The following DACH2 variants were observed in gnomAD, a reference collection of about 807,000 sequenced individuals.
DACH2 encodes the protein dachshund homolog 2.
Under a neutral mutation model 35.8 loss-of-function variants are expected in DACH2, and 17 were observed. The ratio of observed to expected loss-of-function variants is 0.48; its 90% CI spans 0.33 to 0.71. The LOEUF is 0.71. DACH2 is among the 30% of genes least tolerant of loss of function. The pLI, the probability that DACH2 is intolerant of heterozygous loss-of-function variation, is 0.02. For synonymous variants in DACH2, 195 were observed against 177.3 expected (o/e 1.10, Z -0.79); for missense variants, 469 against 472.7 (o/e 0.99, Z 0.07).
intron 7 of DACH2, among the ~76,000 whole-genome samples, chrX:86,773,436 T>C (rs1221891103): frequency 1.8e-5 from 2 of 112,107 alleles, no homozygotes; most frequent in Admixed American, 9.5e-5. Context: ...GACTATTTTA[T>C]ATATAATGCA....
At chrX:86,172,635 A>G (rs2031162163) in intron 1 of DACH2, among the ~76,000 whole-genome samples, 1 of 112,054 alleles carries the variant, frequency 8.9e-6, no homozygotes, top group Non-Finnish European at 1.9e-5. Flanking sequence ...TATCCTCTCT[A>G]TGCTGTCTCT....
intron 1 of DACH2, among the ~76,000 whole-genome samples, chrX:86,295,004 G>A (rs1232307934): frequency 8.9e-6 from 1 of 112,560 alleles, no homozygotes. Context: ...GCAATGGCGG[G>A]CGCCCCTCCT....
At chrX:86,550,268 T>C (rs1253949771) in intron 3 of DACH2, among the ~76,000 whole-genome samples, 1 of 111,556 alleles carries the variant, frequency 9.0e-6, no homozygotes, top group Non-Finnish European at 1.9e-5. Flanking sequence ...TTGAATAGTT[T>C]TGTTTTACAT....
chrX:86,236,824 T>C (rs1459519917), intron 1 of DACH2, among the ~76,000 whole-genome samples: 1 of 112,312 alleles, frequency 8.9e-6, no homozygotes, highest in South Asian at 3.7e-4. Context: ...CTGTAGACTT[T>C]ACAAACACTA....
intron 1 of DACH2, among the ~76,000 whole-genome samples, chrX:86,180,222 T>C (rs2031445558): frequency 1.8e-5 from 1 of 54,298 alleles, no homozygotes; most frequent in South Asian, 6.1e-4. Flanking sequence ...CTTATAGTAA[T>C]GTGAAATAAA....
At chrX:86,398,320 TGA>T (rs1243221780) in intron 2 of DACH2, among the ~76,000 whole-genome samples, 2 of 112,647 alleles carry the variant, frequency 1.8e-5, no homozygotes, top group African/African-American at 6.5e-5. Context: ...TCAATTTTGT[TGA>T]TCTTTTCAAA....
chrX:86,377,611 G>A (rs1284123327), intron 2 of DACH2, among the ~76,000 whole-genome samples: 1 of 110,335 alleles, frequency 9.1e-6, no homozygotes, highest in Non-Finnish European at 1.9e-5. Flanking sequence ...GATAGTTCCT[G>A]TCAGTAGTGC....
At chrX:86,666,312 T>TGTGTGAGA (rs112267843) in intron 4 of DACH2, among the ~76,000 whole-genome samples, 11,282 of 99,792 alleles carry the variant, frequency 0.11, 597 homozygotes, top group East Asian at 0.27. Flanking sequence ...TGTGTGTGTG[T>TGTGTGAGA]GAGAGAGAGA....
intron 3 of DACH2, among the ~76,000 whole-genome samples, chrX:86,615,349 T>A (rs1431763748): frequency 8.9e-6 from 1 of 111,753 alleles, no homozygotes. Context: ...CCATTTTACA[T>A]AGGCGAGAAC....
chrX:86,341,340 C>T (rs1172043514), intron 1 of DACH2, among the ~76,000 whole-genome samples: 2 of 111,926 alleles, frequency 1.8e-5, no homozygotes, highest in Non-Finnish European at 3.8e-5. Flanking sequence ...TAAAACTACT[C>T]TGCCTGTGCT....
At chrX:86,342,194 T>C (rs1164847858) in intron 1 of DACH2, among the ~76,000 whole-genome samples, 1 of 111,461 alleles carries the variant, frequency 9.0e-6, no homozygotes, top group South Asian at 3.8e-4. Context: ...AACTCGCTGT[T>C]GTCTTATTTT....
chrX:86,237,877 G>T (rs1255013718), intron 1 of DACH2, among the ~76,000 whole-genome samples: 1 of 112,071 alleles, frequency 8.9e-6, no homozygotes, highest in Non-Finnish European at 1.9e-5. Context: ...GCTTGGAGAT[G>T]TCAGGAATGA....
intron 2 of DACH2, among the ~76,000 whole-genome samples, chrX:86,452,581 A>G (rs1291014066): frequency 2.7e-5 from 3 of 111,000 alleles, no homozygotes; most frequent in Non-Finnish European, 3.8e-5. Context: ...AAATTTATTC[A>G]TTTCATCTAC....
At chrX:86,498,077 A>AC (rs2038198070) in intron 2 of DACH2, among the ~76,000 whole-genome samples, 1 of 111,659 alleles carries the variant, frequency 9.0e-6, no homozygotes, top group South Asian at 3.7e-4. Flanking sequence ...GAAAAAAATT[A>AC]CCATTACTCT....
chrX:86,400,233 A>T (rs183569284), intron 2 of DACH2, among the ~76,000 whole-genome samples: 1 of 111,277 alleles, frequency 9.0e-6, no homozygotes, highest in African/African-American at 3.3e-5. Flanking sequence ...CAGCTCTATC[A>T]GGTCCTTTAA....
At chrX:86,391,817 T>A (rs1420071409) in intron 2 of DACH2, among the ~76,000 whole-genome samples, 1 of 111,337 alleles carries the variant, frequency 9.0e-6, no homozygotes, top group Non-Finnish European at 1.9e-5. Context: ...AAAATGGGGT[T>A]TACCATTAAA....
intron 11 of DACH2, among the ~76,000 whole-genome samples, chrX:86,818,903 A>T (rs1317578059): frequency 9.1e-6 from 1 of 109,686 alleles, no homozygotes; most frequent in African/African-American, 3.3e-5. Context: ...GAAGCAAAAA[A>T]GTAATATCCA....
At chrX:86,403,146 C>T (rs1262907917) in intron 2 of DACH2, among the ~76,000 whole-genome samples, 1 of 112,079 alleles carries the variant, frequency 8.9e-6, no homozygotes, top group Admixed American at 9.5e-5. Context: ...TGACTAAGTC[C>T]TCAAAAGCCA....
At chrX:86,456,929 G>A (rs746341239) in intron 2 of DACH2, among the ~76,000 whole-genome samples, 52 of 111,163 alleles carry the variant, frequency 4.7e-4, no homozygotes, top group African/African-American at 1.6e-3. Context: ...CTTCTTACTT[G>A]CATTGTTTCT....
Sources: allele counts gnomAD v4.1 joint callset (sites outside exome capture counted in the v4.1 genomes callset), GRCh38; gene constraint gnomAD v4.1.1; transcripts MANE v1.5; gene names NCBI Gene and HGNC (gene_info 2026-07-23, HGNC 2026-07-21).